HMCN1: variants seen among roughly 807,000 people sequenced by gnomAD.
The protein encoded by HMCN1 is hemicentin 1.
HMCN1 carries 321 observed loss-of-function variants against 625.9 expected under a neutral mutation model. The ratio of observed to expected loss-of-function variants is 0.51; its 90% confidence interval spans 0.47 to 0.56. HMCN1 has a LOEUF of 0.56. Among genes scored for constraint, HMCN1 ranks in the 20% least tolerant of loss-of-function variants. The pLI, the probability that HMCN1 is intolerant of heterozygous loss-of-function variation, is 0.00. For missense variants in HMCN1, 6,588 were observed against 6,887.3 expected, an observed-to-expected ratio of 0.96 and a Z score of 1.54; for synonymous variants, 2,425 against 2,417.6, an observed-to-expected ratio of 1.00 and a Z score of -0.09.
In HMCN1 at chr1:186,164,332, T is replaced by C. The variant is rs886883076; in HGVS notation, c.15257-779T>C. Among the ~76,000 whole-genome samples the C allele has an allele frequency of 3.3e-5, 5 of 149,722 alleles. No individual in the cohort carries two copies. The East Asian group carries it at 9.8e-4, about 29-fold the overall frequency. The stretch of plus-strand genomic sequence containing the variant: ...TCGGCTCACTACAAGCTCCGCCTCC[T>C]GGGTTCACGCCATTCTGCTGCCTCA... On this transcript the variant is annotated intron_variant, in intron 97 of 106. Transcript: ENST00000271588.
intron 10 of HMCN1, among the ~76,000 whole-genome samples, chr1:185,932,104 C>T (rs1474125649): frequency 2.6e-5 from 4 of 152,102 alleles, no homozygotes; most frequent in Non-Finnish European, 4.4e-5. Context: ...TGCATTTTAC[C>T]TGGGAACCCT....
intron 5 of HMCN1, 41 bp from the exon 6 acceptor site, chr1:185,911,633 G>T: frequency 7.4e-7 from 1 of 1,355,492 alleles, no homozygotes; most frequent in South Asian, 1.2e-5. Context: ...ACATAGCTGA[G>T]AGAAGGATTG....
intron 1 of HMCN1, among the ~76,000 whole-genome samples, chr1:185,806,481 A>T (rs376693468): frequency 2.0e-5 from 3 of 151,598 alleles, no homozygotes; most frequent in African/African-American, 7.3e-5. Context: ...CAGGAGGTCA[A>T]GGCTTCAGTG....
chr1:185,988,942 C>T (rs1420044549), intron 20 of HMCN1, among the ~76,000 whole-genome samples: 1 of 151,648 alleles, frequency 6.6e-6, no homozygotes, highest in African/African-American at 2.4e-5. Flanking sequence ...TGTTCTCTGC[C>T]TTCTTAAGTA....
At chr1:185,957,599 T>A (rs1649717501) in intron 11 of HMCN1, among the ~76,000 whole-genome samples, 1 of 152,188 alleles carries the variant, frequency 6.6e-6, no homozygotes, top group African/African-American at 2.4e-5. Context: ...AATCTGAGCA[T>A]ATTCAGTGTG....
At chr1:186,001,159 C>A in intron 26 of HMCN1, 139 bp from the exon 27 acceptor site, 1 of 703,940 alleles carries the variant, frequency 1.4e-6, no homozygotes, top group Non-Finnish European at 2.4e-6. Context: ...AATTTTATAA[C>A]AAAGCATATG....
chr1:185,770,270 A>G (rs1332068720), intron 1 of HMCN1, among the ~76,000 whole-genome samples: 1 of 152,232 alleles, frequency 6.6e-6, no homozygotes, highest in Non-Finnish European at 1.5e-5. Context: ...ACAAGGATTT[A>G]GACTTTTTCA....
In HMCN1 at chr1:186,189,949, A is replaced by T; in HGVS notation, c.*71A>T. The T allele has an allele frequency of 1.9e-6, 3 of 1,561,258 alleles. 1 individual carries two copies. In the South Asian group the frequency reaches 3.3e-5, roughly 17 times the overall value. ...TGGCAATCAAGCCCCCTTCCAGATT[A>T]CTGTCTCTTGAACAGTTGCAATCTT... On this transcript the variant is annotated 3_prime_UTR_variant, in exon 107 of 107. Transcript: ENST00000271588.
At chr1:186,031,639 A>G (rs1223584412) in intron 36 of HMCN1, among the ~76,000 whole-genome samples, 4 of 151,808 alleles carry the variant, frequency 2.6e-5, no homozygotes. Context: ...TGGTACTCCC[A>G]TTATGTTTGA....
chr1:186,025,305 G>A (rs779304335), intron 36 of HMCN1, among the ~76,000 whole-genome samples: 59 of 152,116 alleles, frequency 3.9e-4, no homozygotes, highest in Non-Finnish European at 1.9e-4. Context: ...CCAGGGTTGG[G>A]GACCCCTGCT....
intron 1 of HMCN1, among the ~76,000 whole-genome samples, chr1:185,755,395 T>C (rs1655067454): frequency 6.6e-6 from 1 of 152,104 alleles, no homozygotes; most frequent in African/African-American, 2.4e-5. Flanking sequence ...ATTCAGGAGG[T>C]TGTCCAGGAT....
At chr1:185,805,721 T>C (rs1659126767) in intron 1 of HMCN1, among the ~76,000 whole-genome samples, 1 of 152,180 alleles carries the variant, frequency 6.6e-6, no homozygotes, top group African/African-American at 2.4e-5. Context: ...TGTCACTGCC[T>C]CTCTCTACTG....
chr1:186,029,300 T>A (rs946901373), intron 36 of HMCN1, among the ~76,000 whole-genome samples: 3 of 152,152 alleles, frequency 2.0e-5, no homozygotes, highest in Non-Finnish European at 4.4e-5. Context: ...TATTATGAGA[T>A]CTTTGTAGGT....
At chr1:185,928,890 C>T (rs1403921420) in intron 10 of HMCN1, among the ~76,000 whole-genome samples, 1 of 152,036 alleles carries the variant, frequency 6.6e-6, no homozygotes, top group Non-Finnish European at 1.5e-5. Context: ...GTTTCCCTAA[C>T]TGTAAAAGAA....
intron 1 of HMCN1, among the ~76,000 whole-genome samples, chr1:185,813,505 A>G (rs1659655632): frequency 6.6e-6 from 1 of 152,154 alleles, no homozygotes; most frequent in Non-Finnish European, 1.5e-5. Flanking sequence ...TCAGCTTTGA[A>G]TAAGCATAAA....
At position 186,119,799 on chromosome 1, in the gene HMCN1, C is replaced by G. The variant is rs1384701083; in HGVS notation, c.12011C>G (p.Pro4004Arg). 1 of 1,613,890 alleles carries G rather than the reference C, an allele frequency of 6.2e-7. No individual in the cohort carries two copies. Among genetic ancestry groups the G allele is most frequent in the African/African-American group, 1.3e-5 (1 of 74,892 alleles). ...PSELHVILNN[P>R]ILLPCEATGT... ...GAACTACACGTCATTCTGAACAATC[C>G]TATTTTATTACCATGTGAAGCAACA... The change falls in exon 79 of 107, where the codon CCT becomes CGT. Residue 4004 changes from proline to arginine, a missense_variant. By Grantham distance (103) the Pro-to-Arg change is moderately radical. Transcript: ENST00000271588.
chr1:186,009,409 C>T (rs914361904), intron 30 of HMCN1, among the ~76,000 whole-genome samples: 1 of 152,006 alleles, frequency 6.6e-6, no homozygotes, highest in African/African-American at 2.4e-5. Context: ...GTGTCATTTC[C>T]TCTTTAGCAA....
intron 72 of HMCN1, 77 bp downstream of exon 72, chr1:186,113,030 T>A (rs1660964119): frequency 1.3e-6 from 2 of 1,530,734 alleles, no homozygotes; most frequent in Non-Finnish European, 1.8e-6. Flanking sequence ...CTTTTTCTTA[T>A]GAGCATACTA....
intron 36 of HMCN1, among the ~76,000 whole-genome samples, chr1:186,024,843 C>A (rs1218795359): frequency 2.0e-5 from 3 of 152,124 alleles, no homozygotes; most frequent in African/African-American, 7.2e-5. Flanking sequence ...AGCCCCCAAC[C>A]TTTTTGGCAC....
Sources: allele counts gnomAD v4.1 joint callset (sites outside exome capture counted in the v4.1 genomes callset), GRCh38; gene constraint gnomAD v4.1.1; transcripts MANE v1.5; gene names NCBI Gene and HGNC (gene_info 2026-07-23, HGNC 2026-07-21).